Variants in NRG3 observed in about 807,000 individuals in gnomAD.
The protein encoded by NRG3 is pro-neuregulin-3, membrane-bound isoform.
In NRG3, 31 loss-of-function variants were observed where a neutral mutation model predicts 66.9. The observed-to-expected ratio is 0.46, with a 90% CI of 0.35 to 0.63. The LOEUF (loss-of-function observed/expected upper bound fraction) is 0.63, where lower values mean the gene tolerates loss of function less well. NRG3 is among the 20% of genes least tolerant of loss of function. The probability of loss-of-function intolerance (pLI) is 0.00; values close to 1 mark genes in which losing one functional copy is unlikely to be tolerated. For synonymous variants in NRG3, 393 were observed against 359.4 expected (o/e 1.09, Z -1.06); for missense variants, 910 against 878.9 (o/e 1.04, Z -0.45).
chr10:82,424,299 T>C (rs934570086), intron 2 of NRG3, among the ~76,000 whole-genome samples: 16 of 152,032 alleles, frequency 1.1e-4, no homozygotes, highest in Non-Finnish European at 2.4e-4. Flanking sequence ...CTCTATATCT[T>C]CATCCACAGT....
chr10:81,878,043 C>G, intron 1 of NRG3: 1 of 1,537,336 alleles, frequency 6.5e-7, no homozygotes, highest in South Asian at 1.2e-5. Context: ...CATGTTCTTT[C>G]TCAATTGATT....
chr10:82,875,118 A>G (rs764557218), intron 4 of NRG3, among the ~76,000 whole-genome samples: 3 of 152,134 alleles, frequency 2.0e-5, no homozygotes, highest in African/African-American at 2.4e-5. Flanking sequence ...ATTGTATTGA[A>G]GGTTTTGTGG....
chr10:82,524,576 C>T, intron 2 of NRG3, among the ~76,000 whole-genome samples: 1 of 151,778 alleles, frequency 6.6e-6, no homozygotes, highest in East Asian at 1.9e-4. Flanking sequence ...TACCATAATT[C>T]TCTGTTAGAT....
intron 2 of NRG3, among the ~76,000 whole-genome samples, chr10:82,563,088 A>G (rs1421140979): frequency 1.3e-5 from 2 of 152,298 alleles, no homozygotes; most frequent in East Asian, 1.9e-4. Context: ...AGCAACAGCT[A>G]AAGATTTAGA....
rs78649750 is a variant in NRG3 at position 81,881,187 on chromosome 10, T to G, written c.823+5024T>G. 4.7e-3 allele frequency among the ~76,000 whole-genome samples: 611 copies of G among 130,712 alleles called. 3 individuals carry two copies. Among genetic ancestry groups the G allele is most frequent in the Non-Finnish European group, 6.0e-3 (366 of 60,742 alleles). The allele number at this position is 130,712 out of a possible 152,430, so 85.8% of individuals were successfully genotyped here. A position where few individuals can be genotyped will look rare whatever the true frequency, so the allele number is the denominator to read the frequency against. On this transcript the variant is annotated intron_variant, in intron 1 of 8. Transcript: ENST00000372141. ...TTCAGGCTTTTGTGTTTTTTTTGTGTTTTTTTTTTTTGTTTTTTTGCCCTT... is the reference window on the plus strand; with the variant it reads ...TTCAGGCTTTTGTGTTTTTTTTGTGGTTTTTTTTTTTGTTTTTTTGCCCTT...
chr10:82,109,513 G>A (rs1020011110), intron 1 of NRG3, among the ~76,000 whole-genome samples: 2 of 150,174 alleles, frequency 1.3e-5, no homozygotes, highest in Non-Finnish European at 3.0e-5. Context: ...GTTGCTCTAG[G>A]AAACAAAGCT....
intron 2 of NRG3, among the ~76,000 whole-genome samples, chr10:82,561,073 G>T (rs2045009066): frequency 6.6e-6 from 1 of 152,012 alleles, no homozygotes; most frequent in Admixed American, 6.6e-5. Context: ...TTTCATGCCT[G>T]CATTAAAAAT....
chr10:81,960,144 A>G (rs1043440987), intron 1 of NRG3, among the ~76,000 whole-genome samples: 2 of 152,042 alleles, frequency 1.3e-5, no homozygotes, highest in Non-Finnish European at 2.9e-5. Context: ...ATCCTTCTTC[A>G]CATTGTTCAC....
intron 4 of NRG3, among the ~76,000 whole-genome samples, chr10:82,929,210 T>C (rs151248600): frequency 1.3e-3 from 199 of 152,246 alleles, no homozygotes; most frequent in African/African-American, 4.5e-3. Flanking sequence ...TGTAAGATGC[T>C]CACATGCTAA....
intron 1 of NRG3, among the ~76,000 whole-genome samples, chr10:82,063,671 G>T (rs1010094961): frequency 4.0e-5 from 6 of 151,564 alleles, no homozygotes; most frequent in African/African-American, 1.5e-4. Context: ...AGAAACTAAA[G>T]AAAGAAACTA....
intron 4 of NRG3, among the ~76,000 whole-genome samples, chr10:82,880,361 G>C (rs1842199649): frequency 6.6e-6 from 1 of 152,050 alleles, no homozygotes. Context: ...GCCATTCGTG[G>C]AAGAGAAAGA....
At chr10:81,991,324 T>C (rs1422198264) in intron 1 of NRG3, among the ~76,000 whole-genome samples, 1 of 152,198 alleles carries the variant, frequency 6.6e-6, no homozygotes, top group Non-Finnish European at 1.5e-5. Flanking sequence ...TGAGAAAGAT[T>C]ACATGATATA....
intron 1 of NRG3, among the ~76,000 whole-genome samples, chr10:82,193,710 G>T (rs551156676): frequency 2.0e-5 from 3 of 152,274 alleles, no homozygotes; most frequent in South Asian, 4.1e-4. Flanking sequence ...TAGGCTTTTG[G>T]CTTGGAAGTT....
intron 2 of NRG3, among the ~76,000 whole-genome samples, chr10:82,678,133 G>A (rs2053850623): frequency 6.6e-6 from 1 of 152,134 alleles, no homozygotes; most frequent in African/African-American, 2.4e-5. Flanking sequence ...ATCAGGAAGC[G>A]GCTGATCACC....
chr10:82,233,421 C>T (rs913015083), intron 1 of NRG3, among the ~76,000 whole-genome samples: 3 of 152,112 alleles, frequency 2.0e-5, no homozygotes, highest in African/African-American at 7.2e-5. Flanking sequence ...CAAAGGTGAT[C>T]TCTTCCCCAG....
Position 82,728,254 on chromosome 10 carries a change from G to T in NRG3, c.954-10323G>T, listed in dbSNP as rs371744295. Among the ~76,000 whole-genome samples the T allele has an allele frequency of 4.6e-5, 7 of 152,208 alleles. No individual in the cohort carries two copies. The South Asian group carries it at 1.5e-3, about 32-fold the overall frequency. ...GAGGTCATGAGATTTCAGAGAGGTC[G>T]GGGTGGAATAATATGGTTTGGCTGT... On this transcript the variant is annotated intron_variant, in intron 2 of 8. Transcript: ENST00000372141.
intron 4 of NRG3, among the ~76,000 whole-genome samples, chr10:82,896,637 A>G (rs1481190728): frequency 2.0e-5 from 3 of 152,216 alleles, no homozygotes; most frequent in Non-Finnish European, 2.9e-5. Context: ...TGCTTTTTGA[A>G]AAATTAAAGT....
chr10:82,411,616 A>G (rs1185980231), intron 2 of NRG3, among the ~76,000 whole-genome samples: 2 of 152,136 alleles, frequency 1.3e-5, no homozygotes, highest in African/African-American at 4.8e-5. Flanking sequence ...TCATCAGAAA[A>G]CTATGATGTC....
intron 3 of NRG3, among the ~76,000 whole-genome samples, chr10:82,859,925 T>A (rs2064025961): frequency 6.6e-6 from 1 of 151,178 alleles, no homozygotes; most frequent in African/African-American, 2.4e-5. Flanking sequence ...TTTTTGGTGT[T>A]AAAAAAAAAC....
Sources: allele counts gnomAD v4.1 joint callset (sites outside exome capture counted in the v4.1 genomes callset), GRCh38; gene constraint gnomAD v4.1.1; transcripts MANE v1.5; gene names NCBI Gene and HGNC (gene_info 2026-07-23, HGNC 2026-07-21).